The following YEATS4 variants were observed in gnomAD, a reference collection of about 807,000 sequenced individuals.
YEATS4 encodes the protein YEATS domain-containing protein 4.
YEATS4 carries 17 observed loss-of-function variants against 30.1 expected under a neutral mutation model. That is an observed-to-expected ratio of 0.56 (90% CI 0.39 to 0.85). YEATS4 has a LOEUF of 0.85. Ranked by LOEUF, YEATS4 falls within the 40% of genes least tolerant of loss-of-function variation. YEATS4 has a pLI of 0.00. For synonymous variants in YEATS4, 85 were observed against 87.5 expected (o/e 0.97, Z 0.16); for missense variants, 142 against 268.3 (o/e 0.53, Z 3.29).
chr12:69,377,852 G>C (rs1299926603), intron 6 of YEATS4, among the ~76,000 whole-genome samples: 1 of 152,146 alleles, frequency 6.6e-6, no homozygotes, highest in African/African-American at 2.4e-5. Context: ...ATACCTATTA[G>C]GTCCATTTGG....
chr12:69,377,977 A>G (rs754988724), intron 6 of YEATS4, among the ~76,000 whole-genome samples: 30 of 152,136 alleles, frequency 2.0e-4, no homozygotes, highest in African/African-American at 5.8e-4. Flanking sequence ...ATTGGGGTCT[A>G]TCTCTCTTAA....
intron 4 of YEATS4, among the ~76,000 whole-genome samples, chr12:69,368,237 G>A (rs1875510444): frequency 6.6e-6 from 1 of 152,138 alleles, no homozygotes; most frequent in Non-Finnish European, 1.5e-5. Context: ...GACAACTTGT[G>A]ATTTACTTCT....
At chr12:69,409,946 A>T in the YEATS4 span, among the ~76,000 whole-genome samples, 1 of 152,214 alleles carries the variant, frequency 6.6e-6, no homozygotes, top group African/African-American at 2.4e-5. Flanking sequence ...TAAGCTAAGG[A>T]CATGGACCTG....
At chr12:69,417,847 T>C in the YEATS4 span, among the ~76,000 whole-genome samples, 23 of 128,788 alleles carry the variant, frequency 1.8e-4, no homozygotes, top group Middle Eastern at 4.3e-3. Flanking sequence ...TTAATATTCT[T>C]ACAATAGGGA....
At chr12:69,398,772 G>T in the YEATS4 span, among the ~76,000 whole-genome samples, 1 of 149,608 alleles carries the variant, frequency 6.7e-6, no homozygotes, top group Non-Finnish European at 1.5e-5. Context: ...TCAGGATCAT[G>T]CTACTGCACT....
chr12:69,390,985 T>C (rs766615637), downstream of YEATS4, among the ~76,000 whole-genome samples: 2 of 152,218 alleles, frequency 1.3e-5, no homozygotes, highest in Non-Finnish European at 2.9e-5. Context: ...TCATTATTCT[T>C]CACATACAAA....
chr12:69,385,445 G>C (rs1010069028), intron 6 of YEATS4, among the ~76,000 whole-genome samples: 8 of 152,140 alleles, frequency 5.3e-5, no homozygotes, highest in Non-Finnish European at 1.2e-4. Context: ...ATAATAAAAT[G>C]CCAGACTTAT....
At chr12:69,409,696 G>A in the YEATS4 span, among the ~76,000 whole-genome samples, 1 of 151,924 alleles carries the variant, frequency 6.6e-6, no homozygotes, top group African/African-American at 2.4e-5. Flanking sequence ...ACTGAATTGT[G>A]TTCCCTCCAA....
chr12:69,396,666 A>AAC, the YEATS4 span, among the ~76,000 whole-genome samples: 1 of 152,028 alleles, frequency 6.6e-6, no homozygotes, highest in Non-Finnish European at 1.5e-5. Flanking sequence ...AATTAATGAG[A>AAC]ATTGTCACTC....
chr12:69,359,763 A>G lies in YEATS4; in HGVS notation c.-210A>G, dbSNP rs1565672514. The stretch of plus-strand genomic sequence containing the variant: ...CGCCCCTCTTTTCGCGGCGTTCTCC[A>G]CCTGCGCGGGCCTGAATGGCCTTCA... On this transcript the variant is annotated 5_prime_UTR_variant, in exon 1 of 7. Coordinates refer to ENST00000247843, the MANE Select transcript of YEATS4 (RefSeq NM_006530.4). 4 of 578,528 alleles carry G rather than the reference A, an allele frequency of 6.9e-6. No homozygotes were observed. Among genetic ancestry groups the G allele is most frequent in the Non-Finnish European group, 1.2e-5 (4 of 336,874 alleles). 35.8% of individuals were successfully genotyped at this position (578,528 alleles called of 1,614,324 possible).
Position 69,362,981 on chromosome 12 carries a change from A to AATTTTTTTTTTTTTTTTTTTTTT in YEATS4, c.171+74_171+75insATTTTTTTTTTTTTTTTTTTTTT, listed in dbSNP as rs1198849494. The stretch of plus-strand genomic sequence containing the variant: ...TTTGTTTTGCTTAAAGACAACCTGT[A>AATTTTTTTTTTTTTTTTTTTTTT]GTTTTTTTTTTTTTTTTTTTTTTTT... On this transcript the variant is annotated intron_variant, in intron 2 of 6. Coordinates refer to ENST00000247843, the MANE Select transcript of YEATS4 (RefSeq NM_006530.4). 6.8e-5 allele frequency: 21 copies of AATTTTTTTTTTTTTTTTTTTTTT among 307,590 alleles called. 8 individuals are homozygous for AATTTTTTTTTTTTTTTTTTTTTT. Among genetic ancestry groups the AATTTTTTTTTTTTTTTTTTTTTT allele is most frequent in the African/African-American group, 2.5e-4 (7 of 27,712 alleles). The allele number at this position is 307,590 out of a possible 1,614,324, so 19.1% of individuals were successfully genotyped here. A position where few individuals can be genotyped will look rare whatever the true frequency, so the allele number is the denominator to read the frequency against.
chr12:69,367,279 T>C (rs1875471630), intron 4 of YEATS4, among the ~76,000 whole-genome samples: 1 of 152,236 alleles, frequency 6.6e-6, no homozygotes. Flanking sequence ...TAAACATTTT[T>C]TGTGTTTTCA....
chr12:69,406,340 T>G, the YEATS4 span, among the ~76,000 whole-genome samples: 1 of 152,196 alleles, frequency 6.6e-6, no homozygotes, highest in African/African-American at 2.4e-5. Flanking sequence ...TTTTGTTTGT[T>G]TTTTTGAAAC....
Position 69,359,843 on chromosome 12 carries a change from A to C in YEATS4, c.-130A>C, listed in dbSNP as rs1323574357. 4 of 1,116,104 alleles carry C rather than the reference A, an allele frequency of 3.6e-6. No homozygotes were observed. In the African/African-American group the frequency reaches 6.4e-5, roughly 18 times the overall value. The allele number at this position is 1,116,104 out of a possible 1,614,324, so 69.1% of individuals were successfully genotyped here. On this transcript the variant is annotated 5_prime_UTR_variant, in exon 1 of 7. Coordinates refer to ENST00000247843, the MANE Select transcript of YEATS4 (RefSeq NM_006530.4). ...TTACTCACCGCCGTGAGCCCAAGTA[A>C]CTCGCCCTCCTTCGGCTAGAAACCC... is the stretch of plus-strand genomic sequence containing the variant.
intron 6 of YEATS4, among the ~76,000 whole-genome samples, chr12:69,383,280 A>G (rs1592858376): frequency 1.3e-5 from 2 of 152,138 alleles, no homozygotes; most frequent in East Asian, 1.9e-4. Context: ...AAAAAGTGCA[A>G]GTTTGGACAT....
chr12:69,387,501 T>C (rs564095837), intron 6 of YEATS4, among the ~76,000 whole-genome samples: 8 of 152,298 alleles, frequency 5.3e-5, no homozygotes, highest in African/African-American at 1.9e-4. Flanking sequence ...TATTGCATTG[T>C]TTGTAAAAGA....
At chr12:69,422,493 T>G in the YEATS4 span, among the ~76,000 whole-genome samples, 2 of 151,746 alleles carry the variant, frequency 1.3e-5, no homozygotes, top group African/African-American at 2.4e-5. Flanking sequence ...TAGCTGGCTG[T>G]GGTGGCGCAT....
At chr12:69,389,701 C>T (rs1049295041) in intron 6 of YEATS4, among the ~76,000 whole-genome samples, 12 of 151,644 alleles carry the variant, frequency 7.9e-5, no homozygotes, top group Non-Finnish European at 1.6e-4. Flanking sequence ...TTGATAGAGA[C>T]GAGGTTTTGC....
At chr12:69,407,643 G>C in the YEATS4 span, among the ~76,000 whole-genome samples, 1 of 146,682 alleles carries the variant, frequency 6.8e-6, no homozygotes, top group African/African-American at 2.5e-5. Context: ...TCATGATGCA[G>C]ATGGAAGCTC....
Sources: gnomAD v4.1 joint callset for allele counts (sites outside exome capture counted in the v4.1 genomes callset) on GRCh38, gnomAD v4.1.1 for gene constraint, MANE v1.5 for transcripts, NCBI Gene and HGNC (gene_info 2026-07-23, HGNC 2026-07-21) for gene names.